GADD45A: variants seen among roughly 807,000 people sequenced by gnomAD.
GADD45A encodes growth arrest and DNA damage-inducible protein GADD45 alpha.
GADD45A carries 9 observed loss-of-function variants against 17.7 expected under a neutral mutation model. That is an observed-to-expected ratio of 0.51 (90% CI 0.31 to 0.89). The LOEUF is 0.89. Ranked by LOEUF, GADD45A falls within the 40% of genes least tolerant of loss-of-function variation. The probability of loss-of-function intolerance (pLI) is 0.05; values close to 1 mark genes in which losing one functional copy is unlikely to be tolerated. For synonymous variants in GADD45A, 95 were observed against 92.2 expected (o/e 1.03, Z -0.17); for missense variants, 149 against 220.6 (o/e 0.68, Z 2.06).
In GADD45A at chr1:67,686,532, C is replaced by T. The variant is rs1432617025; in HGVS notation, c.329C>T (p.Pro110Leu). ...CTGCTCTTGGAGACCGACGCTGGCC[C>T]CGCGGCGAGCGAGGGCGCCGAGCAG... is the stretch of plus-strand genomic sequence containing the variant. ...ELLLLETDAG[P>L]AASEGAEQPP... The change falls in exon 3 of 4, where the codon CCC becomes CTC. Residue 110 changes from proline (P) to leucine (L), a missense_variant. By Grantham distance (98) the Pro-to-Leu change is moderately conservative. Coordinates refer to ENST00000370986, the MANE Select transcript of GADD45A (RefSeq NM_001924.4). 3 of 1,612,560 alleles carry T rather than the reference C, an allele frequency of 1.9e-6. No individual in the cohort carries two copies. The highest frequency in any genetic ancestry group is 2.5e-6 in the Non-Finnish European group (3 of 1,179,450).
intron 3 of GADD45A, among the ~76,000 whole-genome samples, chr1:67,687,381 T>C (rs1050740459): frequency 3.3e-5 from 5 of 152,194 alleles, no homozygotes; most frequent in Admixed American, 2.6e-4. Flanking sequence ...TGAATGATAC[T>C]CTCATGCAAA....
intron 3 of GADD45A, among the ~76,000 whole-genome samples, chr1:67,687,218 C>T (rs991506973): frequency 2.0e-5 from 3 of 152,080 alleles, no homozygotes; most frequent in Non-Finnish European, 2.9e-5. Context: ...TTTTGCTACT[C>T]CTTAAAAGTA....
At position 67,685,367 on chromosome 1, in the gene GADD45A, A is replaced by G; in HGVS notation, c.-128A>G. 1.3e-6 allele frequency: 1 copy of G among 784,798 alleles called. No homozygotes were observed. Among genetic ancestry groups the G allele is most frequent in the Non-Finnish European group, 2.0e-6 (1 of 500,278 alleles). The allele number at this position is 784,798 out of a possible 1,614,324, so 48.6% of individuals were successfully genotyped here. ...CCGGGCGGGCGAGGGGCGGCCGGAG[A>G]GCGCCAGGGCCTGAGCTGCCGGAGC... On this transcript the variant is annotated 5_prime_UTR_variant, in exon 1 of 4. Coordinates refer to ENST00000370986, the MANE Select transcript of GADD45A (RefSeq NM_001924.4).
At chr1:67,686,237 GC>G in intron 2 of GADD45A, 111 bp downstream of exon 2, 1 of 1,373,372 alleles carries the variant, frequency 7.3e-7, no homozygotes, top group Non-Finnish European at 1.0e-6. Context: ...TCGCTTTTCT[GC>G]CTGTCTCGGA....
At chr1:67,686,292 G>C in intron 2 of GADD45A, 58 bp from the exon 3 acceptor site, 2 of 1,520,584 alleles carry the variant, frequency 1.3e-6, no homozygotes, top group Non-Finnish European at 1.8e-6. Flanking sequence ...CAGGGACCCG[G>C]GCAGTGGTTG....
intron 3 of GADD45A, among the ~76,000 whole-genome samples, chr1:67,687,359 A>T (rs1646142799): frequency 6.6e-6 from 1 of 152,218 alleles, no homozygotes; most frequent in South Asian, 2.1e-4. Context: ...CAAGTTTGGT[A>T]GAGCAAACCG....
intron 2 of GADD45A, 23 bp from the exon 3 acceptor site, chr1:67,686,327 C>T (rs754557639): frequency 1.2e-6 from 2 of 1,603,370 alleles, no homozygotes; most frequent in Admixed American, 1.7e-5. Context: ...TCTGCGCTCA[C>T]TGGCCCCGCC....
chr1:67,685,938 G>T, intron 1 of GADD45A, 87 bp from the exon 2 acceptor site: 1 of 826,110 alleles, frequency 1.2e-6, no homozygotes. Flanking sequence ...CATTCGAGAG[G>T]GAGGGGCGTG....
chr1:67,685,504 G>A lies in GADD45A; in HGVS notation c.10G>A (p.Glu4Lys), dbSNP rs1443414015. The change falls in exon 1 of 4, where the codon GAG (glutamate) becomes AAG (lysine). Residue 4 changes from glutamate (E) to lysine (K), a missense_variant. Transcript: ENST00000370986. ...ACCTGCAGTTTGCAATATGACTTTG[G>A]AGGAATTCTCGGCTGGAGAGCAGAA... is the stretch of plus-strand genomic sequence containing the variant. MTL[E>K]EFSAGEQKTE... 1.2e-6 allele frequency: 2 copies of A among 1,610,818 alleles called. No individual in the cohort carries two copies. Among genetic ancestry groups the A allele is most frequent in the South Asian group, 2.2e-5 (2 of 90,374 alleles).
Position 67,687,686 on chromosome 1 carries a change from A to G in GADD45A, c.410A>G (p.Asp137Gly). The change falls in exon 4 of 4, where the codon GAT becomes GGT. Residue 137 changes from aspartate (D) to glycine (G), a missense_variant. Physicochemically the swap from Asp to Gly is moderately conservative, Grantham distance 94. Transcript: ENST00000370986. ...AATCCACATTCATCTCAATGGAAGG[A>G]TCCTGCCTTAAGTCAACTTATTTGT... The part of the protein sequence containing the change: ...VTNPHSSQWK[D>G]PALSQLICFC... 1 of 1,612,156 alleles carries G rather than the reference A, an allele frequency of 6.2e-7. No homozygotes were observed. Among genetic ancestry groups the G allele is most frequent in the Non-Finnish European group, 8.5e-7 (1 of 1,178,618 alleles).
chr1:67,687,472 G>GTAAT (rs776590367), intron 3 of GADD45A, among the ~76,000 whole-genome samples, 189 bp from the exon 4 acceptor site: 30 of 152,252 alleles, frequency 2.0e-4, no homozygotes, highest in Non-Finnish European at 3.7e-4. Flanking sequence ...AGTTTAATAG[G>GTAAT]TAATTACCCT....
intron 3 of GADD45A, 23 bp from the exon 4 acceptor site, chr1:67,687,638 T>C (rs1394055147): frequency 7.2e-7 from 1 of 1,385,814 alleles, no homozygotes; most frequent in East Asian, 2.3e-5. Flanking sequence ...AAAATAAGTT[T>C]ATTTTTATAA....
At chr1:67,686,194 T>G (rs1400183735) in intron 2 of GADD45A, 68 bp downstream of exon 2, 1 of 1,414,882 alleles carries the variant, frequency 7.1e-7, no homozygotes, top group Non-Finnish European at 9.8e-7. Flanking sequence ...TCGCCTTGGC[T>G]GGGCGCCCCT....
chr1:67,685,638 A>C (rs1646127767), intron 1 of GADD45A, 100 bp downstream of exon 1: 26 of 1,249,272 alleles, frequency 2.1e-5, no homozygotes, highest in Non-Finnish European at 2.7e-5. Flanking sequence ...GAGGAAGCTA[A>C]AAAGTTTGCA....
At chr1:67,685,965 G>A in intron 1 of GADD45A, 60 bp from the exon 2 acceptor site, 3 of 1,099,266 alleles carry the variant, frequency 2.7e-6, no homozygotes, top group Non-Finnish European at 4.0e-6. Flanking sequence ...GACGAGGGGG[G>A]CGGCGATGGC....
rs3783462 is a variant in GADD45A, at chr1:67,685,544, T to A, written c.44+6T>A. On this transcript the variant is annotated splice_donor_region_variant and intron_variant, in intron 1 of 3. Transcript: ENST00000370986. ...GGAGAGCAGAAGACCGAAAGGTGAG[T>A]CGGCCTGCGGACTCTTCCGGCCCGA... The A allele has an allele frequency of 1.2e-3, 1,932 of 1,604,954 alleles. 23 individuals are homozygous for A. In the African/African-American group the frequency reaches 0.024, roughly 20 times the overall value.
chr1:67,685,334 G>A lies in GADD45A; in HGVS notation c.-161G>A, dbSNP rs1464479143. ...CGGAGCTGCGGCGGCTGGCACAGGA[G>A]GAGGAGCCCGGGCGGGCGAGGGGCG... On this transcript the variant is annotated 5_prime_UTR_variant, in exon 1 of 4. Coordinates refer to ENST00000370986, the MANE Select transcript of GADD45A (RefSeq NM_001924.4). 5 of 594,474 alleles carry A rather than the reference G, an allele frequency of 8.4e-6. No homozygotes were observed. The highest frequency in any genetic ancestry group is 6.0e-5 in the African/African-American group (3 of 50,038). The allele number at this position is 594,474 out of a possible 1,614,324, so 36.8% of individuals were successfully genotyped here.
chr1:67,685,312 A>C lies in GADD45A; in HGVS notation c.-183A>C. On this transcript the variant is annotated 5_prime_UTR_variant, in exon 1 of 4. Transcript: ENST00000370986. ...CAAGCAAGGCGGGAGGGGTGGCCGG[A>C]GCTGCGGCGGCTGGCACAGGAGGAG... 1.8e-6 allele frequency: 1 copy of C among 547,726 alleles called. No individual in the cohort carries two copies. Among genetic ancestry groups the C allele is most frequent in the South Asian group, 2.3e-5 (1 of 43,518 alleles). The allele number at this position is 547,726 out of a possible 1,614,324, so 33.9% of individuals were successfully genotyped here. A position where few individuals can be genotyped will look rare whatever the true frequency, so the allele number is the denominator to read the frequency against.
chr1:67,685,863 AT>A (rs1272198442), intron 1 of GADD45A, 161 bp from the exon 2 acceptor site: 1 of 601,280 alleles, frequency 1.7e-6, no homozygotes, highest in Non-Finnish European at 2.9e-6. Context: ...TGCAGGGGTC[AT>A]GGGGGGTGAC....
Sources: allele counts gnomAD v4.1 joint callset (sites outside exome capture counted in the v4.1 genomes callset), GRCh38; gene constraint gnomAD v4.1.1; transcripts MANE v1.5; gene names NCBI Gene and HGNC (gene_info 2026-07-23, HGNC 2026-07-21).